Variants in TMEM33 observed in about 807,000 individuals in gnomAD.
The protein encoded by TMEM33 is transmembrane protein 33.
Under a neutral mutation model 29.7 loss-of-function variants are expected in TMEM33, and 16 were observed. That is an observed-to-expected ratio of 0.54 (90% confidence interval 0.36 to 0.82). TMEM33 has a LOEUF of 0.82. TMEM33 is among the 40% of genes least tolerant of loss of function. The pLI, the probability that TMEM33 is intolerant of heterozygous loss-of-function variation, is 0.00. For synonymous variants in TMEM33, 112 were observed against 109.4 expected, an observed-to-expected ratio of 1.02 and a Z score of -0.15; for missense variants, 252 against 295.3, an observed-to-expected ratio of 0.85 and a Z score of 1.08.
intron 5 of TMEM33, among the ~76,000 whole-genome samples, chr4:41,948,685 C>T (rs1472117190): frequency 6.6e-6 from 1 of 152,004 alleles, no homozygotes; most frequent in African/African-American, 2.4e-5. Flanking sequence ...ATAAGTTGTT[C>T]AATTCTACTT....
At chr4:41,942,385 G>A (rs1486740313) in intron 3 of TMEM33, among the ~76,000 whole-genome samples, 1 of 152,122 alleles carries the variant, frequency 6.6e-6, no homozygotes, top group Non-Finnish European at 1.5e-5. Flanking sequence ...GGGAGTTAGG[G>A]TTCTTCTAAT....
At chr4:41,943,604 C>A in intron 3 of TMEM33, 143 bp from the exon 4 acceptor site, 1 of 644,668 alleles carries the variant, frequency 1.6e-6, no homozygotes, top group Non-Finnish European at 2.7e-6. Flanking sequence ...TTTGATTTGG[C>A]TTAAAGTGTA....
chr4:41,945,003 T>A (rs1712721016), intron 5 of TMEM33, 77 bp downstream of exon 5: 1 of 1,553,216 alleles, frequency 6.4e-7, no homozygotes, highest in South Asian at 1.2e-5. Flanking sequence ...TTTATTCTGT[T>A]TAAATCTGTT....
At chr4:41,945,004 T>A in intron 5 of TMEM33, 78 bp downstream of exon 5, 1 of 1,550,344 alleles carries the variant, frequency 6.5e-7, no homozygotes, top group Non-Finnish European at 8.7e-7. Context: ...TTATTCTGTT[T>A]AAATCTGTTG....
At chr4:41,946,490 A>T (rs1182379609) in intron 5 of TMEM33, among the ~76,000 whole-genome samples, 1 of 152,156 alleles carries the variant, frequency 6.6e-6, no homozygotes, top group African/African-American at 2.4e-5. Context: ...TTCCTTATAA[A>T]TATATATCTG....
At chr4:41,947,293 T>G (rs35427129) in intron 5 of TMEM33, among the ~76,000 whole-genome samples, 2,052 of 152,012 alleles carry the variant, frequency 0.013, 22 homozygotes, top group Admixed American at 0.028. Flanking sequence ...ATAATTGATG[T>G]CTATATCCTG....
intron 3 of TMEM33, among the ~76,000 whole-genome samples, chr4:41,941,673 G>A (rs576553013): frequency 6.6e-6 from 1 of 152,284 alleles, no homozygotes; most frequent in East Asian, 1.9e-4. Context: ...CTTACAAAGG[G>A]AATGTAGTAA....
At chr4:41,940,046 C>CTTTTTTTTTT (rs71650953) in intron 3 of TMEM33, among the ~76,000 whole-genome samples, 79 of 81,374 alleles carry the variant, frequency 9.7e-4, no homozygotes, top group African/African-American at 2.9e-3. Flanking sequence ...GTTAAACTTT[C>CTTTTTTTTTT]TTTTTTTTTT....
chr4:41,944,023 C>T, intron 4 of TMEM33: 1 of 497,760 alleles, frequency 2.0e-6, no homozygotes, highest in East Asian at 3.5e-5. Flanking sequence ...AAGGATTGCA[C>T]TTAAAATCAC....
chr4:41,940,723 C>T (rs1222424163), intron 3 of TMEM33, among the ~76,000 whole-genome samples: 3 of 146,382 alleles, frequency 2.0e-5, no homozygotes, highest in Middle Eastern at 3.4e-3. Context: ...GCAGGAGAAT[C>T]GTTTGAACCC....
At position 41,958,470 on chromosome 4, in the gene TMEM33, A is replaced by C. The variant is rs1360550076; in HGVS notation, c.*4271A>C. ...GTGCCTACATCACCGAAACACACTA[A>C]TATAAAATTATCCTTTCTCCTTCAT... On this transcript the variant is annotated 3_prime_UTR_variant, in exon 7 of 7. Coordinates refer to ENST00000504986, the MANE Select transcript of TMEM33 (RefSeq NM_018126.3). 1.3e-5 allele frequency: 2 copies of C among 152,124 alleles called. No homozygotes were observed. The highest frequency in any genetic ancestry group is 3.9e-4 in the East Asian group (2 of 5,168). The allele number at this position is 152,124 out of a possible 1,614,324, so 9.4% of individuals were successfully genotyped here.
rs1202167887 is a variant in TMEM33, at chr4:41,954,589, T to C, written c.*390T>C. The C allele has an allele frequency of 1.3e-5, 2 of 158,098 alleles. No individual in the cohort carries two copies. The highest frequency in any genetic ancestry group is 1.9e-4 in the South Asian group (1 of 5,302). The allele number at this position is 158,098 out of a possible 1,614,324, so 9.8% of individuals were successfully genotyped here. A position where few individuals can be genotyped will look rare whatever the true frequency, so the allele number is the denominator to read the frequency against. On this transcript the variant is annotated 3_prime_UTR_variant, in exon 7 of 7. Transcript: ENST00000504986. ...TGAATTCATTATGGTGATACACATA[T>C]GTGAATTCAGTACATTTTGAGACAG...
intron 5 of TMEM33, 32 bp from the exon 6 acceptor site, chr4:41,949,270 A>G (rs1335514883): frequency 5.4e-6 from 8 of 1,481,606 alleles, no homozygotes; most frequent in Non-Finnish European, 6.5e-6. Flanking sequence ...ATTGAAATGT[A>G]TATTTATCAC....
At position 41,938,663 on chromosome 4, in the gene TMEM33, A is replaced by G. The variant is rs534267499; in HGVS notation, c.107A>G (p.Tyr36Cys). Residue 36 changes from tyrosine to cysteine, a missense_variant, in exon 2 of 7, where the codon TAC becomes TGC. Physicochemically the swap from Tyr to Cys is radical, Grantham distance 194. Transcript: ENST00000504986. ...AMWLSRLFTV[Y>C]CSALFVLPLL... ...TGGCTTTCTCGCTTGTTCACAGTTT[A>G]CTGCTCTGCTCTGTTTGTTCTGCCT... The G allele has an allele frequency of 6.2e-7, 1 of 1,614,146 alleles. No homozygotes were observed. Among genetic ancestry groups the G allele is most frequent in the South Asian group, 1.1e-5 (1 of 91,088 alleles).
chr4:41,938,049 C>A (rs1375577027), intron 1 of TMEM33, among the ~76,000 whole-genome samples: 1 of 152,150 alleles, frequency 6.6e-6, no homozygotes, highest in Admixed American at 6.5e-5. Context: ...GATTACAAGG[C>A]GAATGAGTTT....
intron 6 of TMEM33, 61 bp from the exon 7 acceptor site, chr4:41,954,009 A>C (rs1713153778): frequency 1.3e-6 from 2 of 1,588,638 alleles, no homozygotes; most frequent in African/African-American, 1.4e-5. Context: ...CAATAAAATG[A>C]GGTAAGCCTG....
rs1272299262 is a variant in TMEM33 at position 41,960,105 on chromosome 4, A to G, written c.*5906A>G. The G allele has an allele frequency of 1.3e-5, 2 of 152,182 alleles. No homozygotes were observed. Among genetic ancestry groups the G allele is most frequent in the Non-Finnish European group, 2.9e-5 (2 of 68,012 alleles). The allele number at this position is 152,182 out of a possible 1,614,324, so 9.4% of individuals were successfully genotyped here. On this transcript the variant is annotated 3_prime_UTR_variant, in exon 7 of 7. Transcript: ENST00000504986. ...GAGGGGAAATACAGTTCTCCTGCAT[A>G]TTTGAGAAAATGTGAAGTCCTTTCA... is the stretch of plus-strand genomic sequence containing the variant.
intron 6 of TMEM33, 106 bp from the exon 7 acceptor site, chr4:41,953,964 C>A (rs1370234046): frequency 1.4e-6 from 2 of 1,430,026 alleles, no homozygotes; most frequent in African/African-American, 1.4e-5. Context: ...TGCAACAAAC[C>A]TTCAATTTGT....
At chr4:41,936,391 AAT>A (rs1712234433) in intron 1 of TMEM33, among the ~76,000 whole-genome samples, 2 of 152,072 alleles carry the variant, frequency 1.3e-5, no homozygotes, top group South Asian at 4.2e-4. Context: ...AAATCAAAGA[AAT>A]TAGGCGGGGC....
Sources: allele counts gnomAD v4.1 joint callset (sites outside exome capture counted in the v4.1 genomes callset), GRCh38; gene constraint gnomAD v4.1.1; transcripts MANE v1.5; gene names NCBI Gene and HGNC (gene_info 2026-07-23, HGNC 2026-07-21).